The following FOXP1 variants were observed in gnomAD, a reference collection of about 807,000 sequenced individuals.
FOXP1 encodes the protein forkhead box P1.
A neutral mutation model predicts 98.2 loss-of-function variants in FOXP1; 15 were observed. The ratio of observed to expected loss-of-function variants is 0.15; its 90% CI spans 0.10 to 0.24. The LOEUF (loss-of-function observed/expected upper bound fraction) is 0.24, where lower values mean the gene tolerates loss of function less well. Among genes scored for constraint, FOXP1 ranks in the 10% least tolerant of loss-of-function variants. The pLI, the probability that FOXP1 is intolerant of heterozygous loss-of-function variation, is 1.00. For missense variants in FOXP1, 633 were observed against 848.5 expected (o/e 0.75, Z 3.15); for synonymous variants, 371 against 314.5 (o/e 1.18, Z -1.90).
At chr3:71,229,877 T>A (rs1361747721) in intron 5 of FOXP1, among the ~76,000 whole-genome samples, 1 of 152,172 alleles carries the variant, frequency 6.6e-6, no homozygotes, top group African/African-American at 2.4e-5. Flanking sequence ...TGTTCAGTTC[T>A]GGAAAGCTCC....
intron 6 of FOXP1, among the ~76,000 whole-genome samples, chr3:71,155,479 T>C (rs570521854): frequency 6.6e-4 from 100 of 152,320 alleles, no homozygotes; most frequent in African/African-American, 2.4e-3. Flanking sequence ...ATCCAGTTTG[T>C]ATTTTCCACA....
chr3:71,196,762 G>A (rs769347463), intron 6 of FOXP1, among the ~76,000 whole-genome samples: 5 of 152,132 alleles, frequency 3.3e-5, no homozygotes, highest in Non-Finnish European at 7.3e-5. Flanking sequence ...GTTGGAATTT[G>A]GCCATCTGCA....
chr3:71,028,043 T>C (rs1275814932), intron 11 of FOXP1, among the ~76,000 whole-genome samples: 1 of 152,012 alleles, frequency 6.6e-6, no homozygotes. Flanking sequence ...GCTCAGGTGA[T>C]GAAAGGAATA....
At chr3:71,293,374 G>A (rs1263095172) in intron 5 of FOXP1, among the ~76,000 whole-genome samples, 2 of 151,984 alleles carry the variant, frequency 1.3e-5, no homozygotes, top group Admixed American at 6.6e-5. Flanking sequence ...GGCTGAGGCA[G>A]GAAGATCCCT....
intron 17 of FOXP1, among the ~76,000 whole-genome samples, chr3:70,976,004 C>T (rs1025758352): frequency 4.6e-5 from 7 of 150,796 alleles, no homozygotes; most frequent in African/African-American, 7.3e-5. Flanking sequence ...TAATGAAGTT[C>T]GAAATCTACT....
chr3:71,418,124 T>G (rs1471983198), intron 3 of FOXP1, among the ~76,000 whole-genome samples: 1 of 150,304 alleles, frequency 6.7e-6, no homozygotes, highest in African/African-American at 2.5e-5. Flanking sequence ...TGGGTGTGTG[T>G]GTGTGTGTGT....
At chr3:71,025,075 T>C (rs1031101025) in intron 11 of FOXP1, among the ~76,000 whole-genome samples, 4 of 152,220 alleles carry the variant, frequency 2.6e-5, no homozygotes, top group Non-Finnish European at 4.4e-5. Context: ...TCTCAGTAGT[T>C]ACTTTTTATA....
intron 4 of FOXP1, among the ~76,000 whole-genome samples, chr3:71,311,715 C>T (rs539518288): frequency 1.1e-4 from 16 of 152,306 alleles, no homozygotes; most frequent in East Asian, 7.7e-4. Flanking sequence ...ACCCACATCC[C>T]AACTTTATTA....
At chr3:71,501,919 C>G (rs554054215) in intron 2 of FOXP1, among the ~76,000 whole-genome samples, 3 of 152,118 alleles carry the variant, frequency 2.0e-5, no homozygotes, top group Non-Finnish European at 4.4e-5. Flanking sequence ...TGGTTTCTTT[C>G]GCAGAGTGAG....
intron 17 of FOXP1, among the ~76,000 whole-genome samples, chr3:70,974,951 G>C (rs1457159245): frequency 6.6e-6 from 1 of 152,130 alleles, no homozygotes; most frequent in Admixed American, 6.5e-5. Flanking sequence ...AGAAAGCGAC[G>C]AGAAGTCAAG....
In FOXP1 at chr3:71,383,203, A is replaced by G. The variant is rs533227106; in HGVS notation, c.-167-23959T>C. Among the ~76,000 whole-genome samples, 25 of 152,332 alleles carry G rather than the reference A, an allele frequency of 1.6e-4. 2 individuals are homozygous for G. The South Asian group carries it at 5.2e-3, about 32-fold the overall frequency. ...GCTCCAGGTGGCTCTCTAACAGCAA[A>G]TGCTTTCCGCTAGCTCTGCATCAAA... On this transcript the variant is annotated intron_variant, in intron 3 of 20. Coordinates refer to ENST00000649528, the MANE Select transcript of FOXP1 (RefSeq NM_001349338.3).
chr3:71,347,356 C>T (rs2077429635), intron 4 of FOXP1, among the ~76,000 whole-genome samples: 1 of 152,112 alleles, frequency 6.6e-6, no homozygotes, highest in South Asian at 2.1e-4. Flanking sequence ...TTAAATGTTC[C>T]TAATTAAGAT....
intron 3 of FOXP1, among the ~76,000 whole-genome samples, chr3:71,381,260 C>A (rs2080146869): frequency 6.6e-6 from 1 of 151,420 alleles, no homozygotes; most frequent in Admixed American, 6.6e-5. Flanking sequence ...ACGCCATTCT[C>A]CTGCCTCAGC....
At chr3:71,147,744 T>C (rs566575929) in intron 6 of FOXP1, among the ~76,000 whole-genome samples, 5 of 152,286 alleles carry the variant, frequency 3.3e-5, no homozygotes, top group East Asian at 3.9e-4. Flanking sequence ...TAAATGATCA[T>C]ACCAAGGTAG....
At chr3:71,027,109 T>C (rs938657152) in intron 11 of FOXP1, among the ~76,000 whole-genome samples, 2 of 152,118 alleles carry the variant, frequency 1.3e-5, no homozygotes, top group Non-Finnish European at 2.9e-5. Context: ...AATACAGACA[T>C]AGGGATCACT....
intron 5 of FOXP1, among the ~76,000 whole-genome samples, chr3:71,298,522 G>C (rs2107548880): frequency 6.6e-6 from 1 of 152,226 alleles, no homozygotes; most frequent in South Asian, 2.1e-4. Flanking sequence ...TCAGCAAAGG[G>C]AAGTGTCTTG....
intron 6 of FOXP1, among the ~76,000 whole-genome samples, chr3:71,190,206 C>A (rs1313505609): frequency 6.6e-6 from 1 of 152,178 alleles, no homozygotes; most frequent in East Asian, 1.9e-4. Flanking sequence ...AGTTATTCTT[C>A]GGGATCTAGC....
At chr3:71,393,710 C>G (rs1244812267) in intron 3 of FOXP1, among the ~76,000 whole-genome samples, 4 of 152,200 alleles carry the variant, frequency 2.6e-5, no homozygotes, top group African/African-American at 9.7e-5. Flanking sequence ...TTCCAGTAAT[C>G]TGAGATAATC....
intron 6 of FOXP1, among the ~76,000 whole-genome samples, chr3:71,119,696 A>G (rs536122614): frequency 1.9e-4 from 29 of 152,336 alleles, no homozygotes; most frequent in African/African-American, 7.0e-4. Flanking sequence ...ATCACTCTGT[A>G]GCAAGACCGA....
Sources: gnomAD v4.1 joint callset for allele counts (sites outside exome capture counted in the v4.1 genomes callset) on GRCh38, gnomAD v4.1.1 for gene constraint, MANE v1.5 for transcripts, NCBI Gene and HGNC (gene_info 2026-07-23, HGNC 2026-07-21) for gene names.